Variants in CDH13 observed in about 807,000 individuals in gnomAD.
The protein encoded by CDH13 is cadherin-13.
A neutral mutation model predicts 63.8 loss-of-function variants in CDH13; 24 were observed. That is an observed-to-expected ratio of 0.38 (90% confidence interval 0.27 to 0.53). The LOEUF is 0.53. Ranked by LOEUF, CDH13 falls within the 20% of genes least tolerant of loss-of-function variation. The pLI, the probability that CDH13 is intolerant of heterozygous loss-of-function variation, is 0.85. For missense variants in CDH13, 1,049 were observed against 903.1 expected (o/e 1.16, Z -2.07); for synonymous variants, 503 against 355.3 (o/e 1.42, Z -4.67).
chr16:83,720,969 C>G (rs1285233878), intron 10 of CDH13: 2 of 152,282 alleles, frequency 1.3e-5, no homozygotes, highest in Non-Finnish European at 1.5e-5. Context: ...AGGAACGAGT[C>G]TTCCTGCCAC....
At chr16:83,122,895 C>G (rs919783973) in intron 3 of CDH13, among the ~76,000 whole-genome samples, 3 of 151,958 alleles carry the variant, frequency 2.0e-5, no homozygotes, top group African/African-American at 7.3e-5. Flanking sequence ...AACGTTGTAC[C>G]CAACAGGTGA....
intron 6 of CDH13, among the ~76,000 whole-genome samples, chr16:83,409,461 C>A (rs1323271919): frequency 6.6e-6 from 1 of 152,160 alleles, no homozygotes; most frequent in African/African-American, 2.4e-5. Flanking sequence ...ATCAGCAGAG[C>A]CTGCTCCAAG....
At chr16:83,216,503 AATAC>A (rs1422321637) in intron 4 of CDH13, among the ~76,000 whole-genome samples, 1 of 132,952 alleles carries the variant, frequency 7.5e-6, no homozygotes, top group African/African-American at 2.7e-5. Flanking sequence ...ATATATATTT[AATAC>A]ATAGGGATTT....
At chr16:83,438,710 T>C (rs1656508159) in intron 6 of CDH13, among the ~76,000 whole-genome samples, 1 of 152,240 alleles carries the variant, frequency 6.6e-6, no homozygotes, top group Non-Finnish European at 1.5e-5. Context: ...TTAAATATTT[T>C]CTCCATTTCA....
intron 1 of CDH13, among the ~76,000 whole-genome samples, chr16:82,847,974 T>C (rs1182574009): frequency 1.3e-5 from 2 of 150,404 alleles, no homozygotes; most frequent in African/African-American, 4.9e-5. Context: ...AAAATAAAAA[T>C]GTAGAGATGA....
rs553389831 is a variant in CDH13 at position 83,016,946 on chromosome 16, T to G, written c.158-15064T>G. ...TGTTCTTTTCTCCTCCATGGTGTTT[T>G]ATTTGATGCGATCTTGGGATGTGTG... On this transcript the variant is annotated intron_variant, in intron 2 of 13. Transcript: ENST00000567109. 1.9e-3 allele frequency among the ~76,000 whole-genome samples: 289 copies of G among 152,350 alleles called. 1 individual carries two copies. Among genetic ancestry groups the G allele is most frequent in the Middle Eastern group, 0.017 (5 of 294 alleles).
intron 5 of CDH13, among the ~76,000 whole-genome samples, chr16:83,274,026 C>G (rs1017375817): frequency 6.6e-6 from 1 of 152,138 alleles, no homozygotes; most frequent in African/African-American, 2.4e-5. Flanking sequence ...CACCACTTAC[C>G]TGGGGTTAAG....
chr16:83,601,488 G>A (rs533078947), intron 7 of CDH13, among the ~76,000 whole-genome samples: 15 of 152,306 alleles, frequency 9.8e-5, no homozygotes, highest in Admixed American at 2.0e-4. Flanking sequence ...GATTAAATGC[G>A]TCTTCCACAT....
intron 1 of CDH13, among the ~76,000 whole-genome samples, chr16:82,847,656 C>T (rs2039317045): frequency 6.6e-6 from 1 of 152,180 alleles, no homozygotes; most frequent in Non-Finnish European, 1.5e-5. Flanking sequence ...CTAACATATT[C>T]ACAGGTCCTG....
chr16:82,928,626 A>C (rs1426441101), intron 2 of CDH13, among the ~76,000 whole-genome samples: 1 of 152,240 alleles, frequency 6.6e-6, no homozygotes, highest in Non-Finnish European at 1.5e-5. Flanking sequence ...CAACATAAAT[A>C]AATAAGAATT....
intron 7 of CDH13, among the ~76,000 whole-genome samples, chr16:83,568,946 A>G (rs925367378): frequency 1.3e-5 from 2 of 152,050 alleles, no homozygotes. Flanking sequence ...CACTGCCTCC[A>G]GAACATTCTC....
chr16:83,477,938 T>C (rs2073648393), intron 6 of CDH13, among the ~76,000 whole-genome samples: 1 of 152,002 alleles, frequency 6.6e-6, no homozygotes, highest in Non-Finnish European at 1.5e-5. Flanking sequence ...TCCCAGCACT[T>C]TGGGAGGCCG....
intron 5 of CDH13, among the ~76,000 whole-genome samples, chr16:83,305,305 A>G (rs1192226730): frequency 6.6e-6 from 1 of 152,218 alleles, no homozygotes; most frequent in Non-Finnish European, 1.5e-5. Context: ...ATTCCTTAAC[A>G]TATTTATCAA....
intron 1 of CDH13, among the ~76,000 whole-genome samples, chr16:82,787,729 G>A (rs1055483214): frequency 1.4e-5 from 2 of 147,416 alleles, no homozygotes; most frequent in Non-Finnish European, 3.0e-5. Flanking sequence ...TCCCAAATTA[G>A]GCTCATTAAT....
rs944870954 is a variant in CDH13, at chr16:83,752,737, C to T, written c.1681+4487C>T. On this transcript the variant is annotated intron_variant, in intron 11 of 13. Coordinates refer to ENST00000567109, the MANE Select transcript of CDH13 (RefSeq NM_001257.5). ...CACAGACTGTGAGTCTCATTTTCTA[C>T]ATATACAAAATGAAGAAGATAATTC... Among the ~76,000 whole-genome samples, 3 of 152,104 alleles carry T rather than the reference C, an allele frequency of 2.0e-5. No homozygotes were observed. In the South Asian group the frequency reaches 6.2e-4, roughly 32 times the overall value.
Position 83,125,365 on chromosome 16 carries a change from C to T in CDH13, c.367-20C>T. 1 of 1,281,426 alleles carries T rather than the reference C, an allele frequency of 7.8e-7. No individual in the cohort carries two copies. The highest frequency in any genetic ancestry group is 2.3e-5 in the East Asian group (1 of 43,116). 79.4% of individuals were successfully genotyped at this position (1,281,426 alleles called of 1,614,324 possible). On this transcript the variant is annotated intron_variant, in intron 3 of 13. Coordinates refer to ENST00000567109, the MANE Select transcript of CDH13 (RefSeq NM_001257.5). ...ATTTCAATGGGAGATTTTAATCAATCCTTTTGTTTTCCCTTTTAGGATATA... is the reference window on the plus strand; with the variant it reads ...ATTTCAATGGGAGATTTTAATCAATTCTTTTGTTTTCCCTTTTAGGATATA...
intron 8 of CDH13, among the ~76,000 whole-genome samples, chr16:83,604,665 T>C (rs1908162131): frequency 6.6e-6 from 1 of 152,208 alleles, no homozygotes; most frequent in Non-Finnish European, 1.5e-5. Flanking sequence ...GAATGTTCAC[T>C]GGGGGATTTT....
intron 5 of CDH13, among the ~76,000 whole-genome samples, chr16:83,333,516 C>G (rs762938615): frequency 2.0e-5 from 3 of 152,068 alleles, no homozygotes; most frequent in Admixed American, 6.6e-5. Context: ...TGACCTGTGA[C>G]GAGGCTGTGG....
At chr16:82,908,444 C>G (rs2041719615) in intron 2 of CDH13, among the ~76,000 whole-genome samples, 1 of 152,170 alleles carries the variant, frequency 6.6e-6, no homozygotes, top group Admixed American at 6.5e-5. Context: ...GTACAATGGA[C>G]ATGGCACCCC....
Sources: allele counts gnomAD v4.1 joint callset (sites outside exome capture counted in the v4.1 genomes callset), GRCh38; gene constraint gnomAD v4.1.1; transcripts MANE v1.5; gene names NCBI Gene and HGNC (gene_info 2026-07-23, HGNC 2026-07-21).